Variants in POLK observed in about 807,000 individuals in gnomAD.
POLK encodes the protein DNA polymerase kappa, also known as polymerase (DNA directed) kappa.
A neutral mutation model predicts 94.0 loss-of-function variants in POLK; 76 were observed. That is an observed-to-expected ratio of 0.81 (90% CI 0.67 to 0.98). POLK has a LOEUF of 0.98. Among genes scored for constraint, POLK ranks in the 50% least tolerant of loss-of-function variants. POLK has a pLI of 0.00. For synonymous variants in POLK, 349 were observed against 325.4 expected, an observed-to-expected ratio of 1.07 and a Z score of -0.78; for missense variants, 954 against 1,010.1, an observed-to-expected ratio of 0.94 and a Z score of 0.75.
chr5:75,597,840 T>A (rs565886415), intron 14 of POLK, 51 bp downstream of exon 14: 1 of 1,249,568 alleles, frequency 8.0e-7, no homozygotes, highest in African/African-American at 1.6e-5. Context: ...GAAAATTCAA[T>A]TATTTTATAA....
intron 1 of POLK, among the ~76,000 whole-genome samples, chr5:75,545,239 A>G (rs1273524847): frequency 6.6e-6 from 1 of 152,236 alleles, no homozygotes; most frequent in Non-Finnish European, 1.5e-5. Flanking sequence ...TTGTTAAGGG[A>G]AGATCCTCAA....
Position 75,597,766 on chromosome 5 carries a change from GA to G in POLK, c.2507del (p.Lys836ArgfsTer3). ...CTAAAGGTAGCTCAAGTGGAGTACAGAAGGCTGTAACAAGAACAAAAAGGTA... is the reference window on the plus strand; with the variant it reads ...CTAAAGGTAGCTCAAGTGGAGTACAGAGGCTGTAACAAGAACAAAAAGGTA... On this transcript the variant is annotated frameshift_variant, in exon 14 of 15. Transcript: ENST00000241436. LOFTEE classifies it high-confidence loss of function. 2 of 1,528,750 alleles carry G rather than the reference GA, an allele frequency of 1.3e-6. No individual in the cohort carries two copies. The highest frequency in any genetic ancestry group is 1.4e-5 in the African/African-American group (1 of 71,504). The allele number at this position is 1,528,750 out of a possible 1,614,324, so 94.7% of individuals were successfully genotyped here.
intron 1 of POLK, among the ~76,000 whole-genome samples, chr5:75,517,880 A>G (rs1046925875): frequency 1.4e-4 from 21 of 152,206 alleles, no homozygotes; most frequent in African/African-American, 4.8e-4. Flanking sequence ...CTTTTTCAGC[A>G]TCTATTGAAA....
At chr5:75,596,996 T>C in exon 13 of POLK, 1 of 1,613,904 alleles carries the variant, frequency 6.2e-7, no homozygotes, top group Non-Finnish European at 8.5e-7. Context: ...CAGCCTTACT[T>C]ATGTGAAGTG....
At chr5:75,594,172 C>A in intron 12 of POLK, 123 bp downstream of exon 12, 4 of 644,044 alleles carry the variant, frequency 6.2e-6, no homozygotes, top group Non-Finnish European at 1.1e-5. Context: ...TTCAACTTTG[C>A]GACAGTGGGA....
chr5:75,528,850 T>C (rs1204721018), intron 1 of POLK, among the ~76,000 whole-genome samples: 3 of 152,156 alleles, frequency 2.0e-5, no homozygotes, highest in Non-Finnish European at 4.4e-5. Flanking sequence ...ATAGATGTTA[T>C]AAAATGTAAA....
chr5:75,517,486 A>G (rs1392600860), intron 1 of POLK, among the ~76,000 whole-genome samples: 1 of 152,210 alleles, frequency 6.6e-6, no homozygotes, highest in Non-Finnish European at 1.5e-5. Context: ...TTGTATGTTA[A>G]TTTTGTATCC....
chr5:75,530,245 C>CTTT lies in POLK; in HGVS notation c.-13-16745_-13-16743dup, dbSNP rs575507126. Reference sequence around the variant, plus strand: ...CAAAAAGCTGAATCTATTTGTATTTCTTTTTTTTTTTTTTTTTTTTTTGAG... The same window carrying CTTT: ...CAAAAAGCTGAATCTATTTGTATTTCTTTTTTTTTTTTTTTTTTTTTTTTTGAG... On this transcript the variant is annotated intron_variant, in intron 1 of 14. Coordinates refer to ENST00000241436, the Ensembl canonical transcript of POLK. Among the ~76,000 whole-genome samples the CTTT allele has an allele frequency of 3.5e-3, 340 of 95,920 alleles. 4 individuals are homozygous for CTTT. Among genetic ancestry groups the CTTT allele is most frequent in the African/African-American group, 4.9e-3 (125 of 25,656 alleles). 62.9% of individuals were successfully genotyped at this position (95,920 alleles called of 152,430 possible).
At chr5:75,594,007 A>G in exon 12 of POLK, 1 of 1,612,540 alleles carries the variant, frequency 6.2e-7, no homozygotes, top group African/African-American at 1.3e-5. Flanking sequence ...AAAAACAGAA[A>G]TTGATGCTGA....
intron 12 of POLK, among the ~76,000 whole-genome samples, chr5:75,594,988 C>T (rs1011105915): frequency 2.0e-5 from 3 of 152,134 alleles, no homozygotes; most frequent in Admixed American, 6.5e-5. Context: ...CGGTGGCTCA[C>T]GCCTGTAATC....
chr5:75,580,484 T>C (rs1772137474), intron 6 of POLK: 1 of 231,178 alleles, frequency 4.3e-6, no homozygotes, highest in African/African-American at 2.3e-5. Context: ...ATTTTTACTT[T>C]ACTTTGTAAT....
intron 1 of POLK, among the ~76,000 whole-genome samples, chr5:75,523,018 A>G (rs1055019980): frequency 3.9e-5 from 6 of 152,200 alleles, no homozygotes; most frequent in African/African-American, 1.4e-4. Context: ...ATTTTATTTT[A>G]CAACCAAAGC....
At chr5:75,576,474 C>T (rs914515679) in intron 5 of POLK, among the ~76,000 whole-genome samples, 3 of 152,024 alleles carry the variant, frequency 2.0e-5, no homozygotes, top group African/African-American at 7.2e-5. Context: ...ATGGGCCTAC[C>T]AGATAATGTT....
chr5:75,566,320 G>T (rs754371501), intron 3 of POLK, among the ~76,000 whole-genome samples: 1 of 152,182 alleles, frequency 6.6e-6, no homozygotes, highest in Non-Finnish European at 1.5e-5. Context: ...CGTGGGATCC[G>T]CTGAGCCAGA....
chr5:75,592,044 C>T (rs1256581525), intron 11 of POLK, among the ~76,000 whole-genome samples: 2 of 152,216 alleles, frequency 1.3e-5, no homozygotes, highest in Non-Finnish European at 2.9e-5. Context: ...CAGGAATTAA[C>T]TTCCTCCTCC....
exon 6 of POLK, chr5:75,576,860 C>T (rs2112798288): frequency 6.4e-7 from 1 of 1,564,860 alleles, no homozygotes; most frequent in East Asian, 2.3e-5. Flanking sequence ...TAACAAAGCA[C>T]TTAGAAGAAA....
chr5:75,597,675 A>G (rs549691839), intron 13 of POLK, 72 bp from the exon 14 acceptor site: 1 of 867,354 alleles, frequency 1.2e-6, no homozygotes, highest in East Asian at 3.0e-5. Context: ...TTAACTTTTT[A>G]AATTTGTATA....
In POLK at chr5:75,539,991, C is replaced by T. The variant is rs569468176; in HGVS notation, c.-13-7019C>T. ...TTATGTTGCTAAGGAGTTTTAAACC[C>T]CTGCCATACACTATTAGAGCTGTAA... is the stretch of plus-strand genomic sequence containing the variant. On this transcript the variant is annotated intron_variant, in intron 1 of 14. Transcript: ENST00000241436. 1.3e-5 allele frequency among the ~76,000 whole-genome samples: 2 copies of T among 152,032 alleles called. 1 individual carries two copies. Among genetic ancestry groups the T allele is most frequent in the Admixed American group, 1.3e-4 (2 of 15,274 alleles).
downstream of POLK, among the ~76,000 whole-genome samples, chr5:75,605,926 GAGAA>G (rs1267926360): frequency 6.7e-6 from 1 of 148,772 alleles, no homozygotes; most frequent in African/African-American, 2.5e-5. Flanking sequence ...ACAAAGTATA[GAGAA>G]AGAAATAAGG....
Sources: allele counts gnomAD v4.1 joint callset (sites outside exome capture counted in the v4.1 genomes callset), GRCh38; gene constraint gnomAD v4.1.1; transcripts MANE v1.5; gene names NCBI Gene and HGNC (gene_info 2026-07-23, HGNC 2026-07-21).